Variants in GTF3C1 observed in about 807,000 individuals in gnomAD.
The protein encoded by GTF3C1 is general transcription factor IIIC subunit 1, also known as general transcription factor 3C polypeptide 1.
A neutral mutation model predicts 226.7 loss-of-function variants in GTF3C1; 57 were observed. The observed-to-expected ratio is 0.25, with a 90% CI of 0.20 to 0.31. The LOEUF (loss-of-function observed/expected upper bound fraction) is 0.31, where lower values mean the gene tolerates loss of function less well. GTF3C1 is among the 10% of genes least tolerant of loss of function. The probability of loss-of-function intolerance (pLI) is 1.00; values close to 1 mark genes in which losing one functional copy is unlikely to be tolerated. For synonymous variants in GTF3C1, 1,090 were observed against 1,084.8 expected (o/e 1.00, Z -0.09); for missense variants, 2,217 against 2,776.1 (o/e 0.80, Z 4.53).
chr16:27,532,007 G>C (rs1260260748), intron 5 of GTF3C1, among the ~76,000 whole-genome samples: 2 of 152,180 alleles, frequency 1.3e-5, no homozygotes, highest in Admixed American at 6.5e-5. Flanking sequence ...CCTCATGTCG[G>C]AGAGGTGACA....
intron 12 of GTF3C1, among the ~76,000 whole-genome samples, chr16:27,499,818 G>A (rs1307801427): frequency 1.3e-5 from 2 of 152,208 alleles, no homozygotes; most frequent in African/African-American, 2.4e-5. Flanking sequence ...AGACGCACCA[G>A]CTCCAGCTCA....
At chr16:27,491,952 A>G (rs2088239114) in intron 19 of GTF3C1, among the ~76,000 whole-genome samples, 1 of 151,988 alleles carries the variant, frequency 6.6e-6, no homozygotes, top group Non-Finnish European at 1.5e-5. Flanking sequence ...CTAGGCCCTC[A>G]CTGCACTCCT....
chr16:27,485,395 G>A (rs1263379197), intron 24 of GTF3C1, among the ~76,000 whole-genome samples: 1 of 152,246 alleles, frequency 6.6e-6, no homozygotes, highest in East Asian at 1.9e-4. Context: ...TGAGCCAAGA[G>A]GTACCAGAGG....
rs1243693998 is a variant in GTF3C1 at position 27,508,538 on chromosome 16, A to G, written c.1242+2T>C. On this transcript the variant is annotated splice_donor_variant, in intron 8 of 36. Coordinates refer to ENST00000356183, the MANE Select transcript of GTF3C1 (RefSeq NM_001520.4). LOFTEE classifies it high-confidence loss of function. ...GTGTTGGGGGAAGGCTCATGATGTT[A>G]CCTTGACAACTTTGAATCTTTGAAG... 1 of 1,606,492 alleles carries G rather than the reference A, an allele frequency of 6.2e-7. No individual in the cohort carries two copies.
In GTF3C1 at chr16:27,461,750, G is replaced by A. The variant is rs922065566; in HGVS notation, c.6118-188C>T. The A allele has an allele frequency of 8.2e-5, 49 of 599,406 alleles. No homozygotes were observed. Among genetic ancestry groups the A allele is most frequent in the African/African-American group, 1.1e-4 (6 of 53,902 alleles). 37.1% of individuals were successfully genotyped at this position (599,406 alleles called of 1,614,324 possible). Reference sequence around the variant, plus strand: ...TTCAGGCAAAGGCCCTGGTGGGAGAGGCAGCTGCCTGAGCAGCACGTGTAC... The same window carrying A: ...TTCAGGCAAAGGCCCTGGTGGGAGAAGCAGCTGCCTGAGCAGCACGTGTAC... On this transcript the variant is annotated intron_variant, in intron 36 of 36. Coordinates refer to ENST00000356183, the MANE Select transcript of GTF3C1 (RefSeq NM_001520.4). This position sits in a 1 kb window ranked among gnomAD's most constrained non-coding sequence, Gnocchi z 5.3.
In GTF3C1 at chr16:27,471,938, G is replaced by A. The variant is rs766746410; in HGVS notation, c.4354-18C>T. The A allele has an allele frequency of 5.6e-6, 9 of 1,612,998 alleles. No individual in the cohort carries two copies. The Middle Eastern group carries it at 5.0e-4, about 89-fold the overall frequency. On this transcript the variant is annotated intron_variant, in intron 29 of 36. Transcript: ENST00000356183. The surrounding 1 kb of genome is among the most constrained non-coding windows in gnomAD (Gnocchi z 5.0). ...CGGAAAGTCTGCAACACAGGGCGGC[G>A]AGGGTGAGTAGGGTTCTCCAGCCGG...
chr16:27,521,896 CCA>C (rs1375994231), intron 6 of GTF3C1, among the ~76,000 whole-genome samples: 1 of 151,744 alleles, frequency 6.6e-6, no homozygotes, highest in East Asian at 1.9e-4. Context: ...CTTTTTAATT[CCA>C]GTTTTTTGGT....
At chr16:27,475,671 C>T (rs2087940747) in intron 29 of GTF3C1, among the ~76,000 whole-genome samples, 1 of 152,102 alleles carries the variant, frequency 6.6e-6, no homozygotes, top group South Asian at 2.1e-4. Flanking sequence ...ACCGGGGGTT[C>T]GATGTGATTT....
chr16:27,544,309 C>T (rs2089132756), intron 2 of GTF3C1, among the ~76,000 whole-genome samples: 1 of 151,668 alleles, frequency 6.6e-6, no homozygotes, highest in South Asian at 2.1e-4. Context: ...CACCTGAGCC[C>T]AGGAGGTCAA....
intron 9 of GTF3C1, 22 bp downstream of exon 9, chr16:27,506,825 G>A (rs1362514001): frequency 6.4e-7 from 1 of 1,568,900 alleles, no homozygotes; most frequent in Admixed American, 1.8e-5. Flanking sequence ...CGCAGCCCCT[G>A]CCCACCCCAC....
At chr16:27,486,608 C>T (rs1330025783) in intron 23 of GTF3C1, among the ~76,000 whole-genome samples, 1 of 152,124 alleles carries the variant, frequency 6.6e-6, no homozygotes, top group African/African-American at 2.4e-5. Flanking sequence ...TTGAGTGCAT[C>T]TGGGGACAAT....
chr16:27,517,425 T>G (rs1464478939), intron 6 of GTF3C1, among the ~76,000 whole-genome samples: 1 of 152,126 alleles, frequency 6.6e-6, no homozygotes, highest in Non-Finnish European at 1.5e-5. Context: ...ACTGCCCCAT[T>G]TAAGCTGCCA....
chr16:27,516,897 T>C (rs559229663), intron 6 of GTF3C1, among the ~76,000 whole-genome samples: 2 of 152,234 alleles, frequency 1.3e-5, no homozygotes, highest in African/African-American at 4.8e-5. Context: ...CCTCCCAAAG[T>C]AGAGGGTTAT....
chr16:27,544,827 G>A (rs898337425), intron 2 of GTF3C1, among the ~76,000 whole-genome samples: 3 of 152,162 alleles, frequency 2.0e-5, no homozygotes, highest in African/African-American at 7.2e-5. Flanking sequence ...GGCAGGACCC[G>A]TGACCCCAGT....
At chr16:27,503,733 T>G (rs1453084849) in intron 10 of GTF3C1, among the ~76,000 whole-genome samples, 1 of 152,216 alleles carries the variant, frequency 6.6e-6, no homozygotes, top group Non-Finnish European at 1.5e-5. Context: ...AGCCCAAATG[T>G]GAACCCTATA....
chr16:27,470,545 A>C lies in GTF3C1; in HGVS notation c.4527-150T>G, dbSNP rs147403635. On this transcript the variant is annotated intron_variant, in intron 30 of 36. Coordinates refer to ENST00000356183, the MANE Select transcript of GTF3C1 (RefSeq NM_001520.4). This position sits in a 1 kb window ranked among gnomAD's most constrained non-coding sequence, Gnocchi z 4.9. ...AAAGCTCTCTGTCCCATCCCAGATG[A>C]AGGTGCTGCATTCCCACCTAGCGGT... 1.5e-6 allele frequency: 1 copy of C among 653,906 alleles called. No homozygotes were observed. Among genetic ancestry groups the C allele is most frequent in the African/African-American group, 1.8e-5 (1 of 55,248 alleles). The allele number at this position is 653,906 out of a possible 1,614,324, so 40.5% of individuals were successfully genotyped here.
Position 27,461,324 on chromosome 16 carries a change from G to C in GTF3C1, c.*26C>G. On this transcript the variant is annotated 3_prime_UTR_variant, in exon 37 of 37. Coordinates refer to ENST00000356183, the MANE Select transcript of GTF3C1 (RefSeq NM_001520.4). This position sits in a 1 kb window ranked among gnomAD's most constrained non-coding sequence, Gnocchi z 5.3. ...GGAGTGGTGTGGCAGGCGGTGGCTG[G>C]GAGGGAGGGGACGCCCACAGGGGTC... 1 of 1,476,416 alleles carries C rather than the reference G, an allele frequency of 6.8e-7. No individual in the cohort carries two copies. Among genetic ancestry groups the C allele is most frequent in the Non-Finnish European group, 9.4e-7 (1 of 1,064,022 alleles). The allele number at this position is 1,476,416 out of a possible 1,614,324, so 91.5% of individuals were successfully genotyped here.
chr16:27,493,974 C>T (rs1487790511), intron 16 of GTF3C1, among the ~76,000 whole-genome samples: 1 of 151,416 alleles, frequency 6.6e-6, no homozygotes, highest in Non-Finnish European at 1.5e-5. Flanking sequence ...CGTGTACATA[C>T]AAGTATGGCA....
In GTF3C1 at chr16:27,469,072, G is replaced by A. The variant is rs374089953; in HGVS notation, c.5074+219C>T. Among the ~76,000 whole-genome samples, 3 of 152,352 alleles carry A rather than the reference G, an allele frequency of 2.0e-5. No individual in the cohort carries two copies. Among genetic ancestry groups the A allele is most frequent in the Middle Eastern group, 6.8e-3 (2 of 294 alleles). Reference sequence around the variant, plus strand: ...CAGCACAGCTGTGACTAAAAGAGGCGGTGCGGGGAGCTTTCCCACAGAGGT... The same window carrying A: ...CAGCACAGCTGTGACTAAAAGAGGCAGTGCGGGGAGCTTTCCCACAGAGGT... On this transcript the variant is annotated intron_variant, in intron 32 of 36. Transcript: ENST00000356183. This position sits in a 1 kb window ranked among gnomAD's most constrained non-coding sequence, Gnocchi z 4.5.
Sources: allele counts gnomAD v4.1 joint callset (sites outside exome capture counted in the v4.1 genomes callset), GRCh38; gene constraint gnomAD v4.1.1; non-coding constraint Gnocchi (gnomAD v3.1); transcripts MANE v1.5; gene names NCBI Gene and HGNC (gene_info 2026-07-23, HGNC 2026-07-21).